HDAC1: variants seen among roughly 807,000 people sequenced by gnomAD.
The protein encoded by HDAC1 is protein deacetylase HDAC1.
In HDAC1, 18 loss-of-function variants were observed where a neutral mutation model predicts 65.5. That is an observed-to-expected ratio of 0.27 (90% confidence interval 0.19 to 0.41). The LOEUF (loss-of-function observed/expected upper bound fraction) is 0.41, where lower values mean the gene tolerates loss of function less well. Among genes scored for constraint, HDAC1 ranks in the 10% least tolerant of loss-of-function variants. HDAC1 has a pLI of 1.00. For synonymous variants in HDAC1, 211 were observed against 227.9 expected, an observed-to-expected ratio of 0.93 and a Z score of 0.67; for missense variants, 373 against 625.2, an observed-to-expected ratio of 0.60 and a Z score of 4.30.
In HDAC1 at chr1:32,322,007, G is replaced by A. The variant is rs144065059; in HGVS notation, c.281-2472G>A. 7.2e-5 allele frequency among the ~76,000 whole-genome samples: 11 copies of A among 152,234 alleles called. No individual in the cohort carries two copies. The East Asian group carries it at 7.7e-4, about 11-fold the overall frequency. Reference sequence around the variant, plus strand: ...AGCCATGCTTCTTCCTCAGAGCACCGGATCTTGGCACCCTCCAAGTTTAGT... The same window carrying A: ...AGCCATGCTTCTTCCTCAGAGCACCAGATCTTGGCACCCTCCAAGTTTAGT... On this transcript the variant is annotated intron_variant, in intron 3 of 13. Transcript: ENST00000373548.
In HDAC1 at chr1:32,329,254, C is replaced by T. The variant is rs1447433217; in HGVS notation, c.729+94C>T. 5.0e-6 allele frequency: 4 copies of T among 805,430 alleles called. No individual in the cohort carries two copies. The highest frequency in any genetic ancestry group is 2.4e-4 in the Middle Eastern group (1 of 4,164). 49.9% of individuals were successfully genotyped at this position (805,430 alleles called of 1,614,324 possible). ...CCCCCACCATACCTCAGGAATCTCT[C>T]CTTACTAAAGCTGGTGGGGAGATAG... is the stretch of plus-strand genomic sequence containing the variant. On this transcript the variant is annotated intron_variant, in intron 7 of 13. Transcript: ENST00000373548. The surrounding 1 kb of genome is among the most constrained non-coding windows in gnomAD (Gnocchi z 4.1).
chr1:32,316,070 C>G (rs1337488167), intron 2 of HDAC1, among the ~76,000 whole-genome samples: 2 of 151,950 alleles, frequency 1.3e-5, no homozygotes, highest in African/African-American at 4.8e-5. Context: ...ATCACGAGGT[C>G]AGGAGATCAA....
At chr1:32,304,544 A>G (rs1489565744) in intron 2 of HDAC1, among the ~76,000 whole-genome samples, 1 of 151,974 alleles carries the variant, frequency 6.6e-6, no homozygotes, top group East Asian at 1.9e-4. Context: ...GACTACAGGC[A>G]GGCACCACCA....
rs758469745 is a variant in HDAC1, at chr1:32,330,935, T to C, written c.979+27T>C. 7 of 1,612,930 alleles carry C rather than the reference T, an allele frequency of 4.3e-6. No individual in the cohort carries two copies. In the South Asian group the frequency reaches 7.7e-5, roughly 18 times the overall value. ...TAATAGCTGCAGGGCCAGGTTCGGC[T>C]GGGCTGGGTGGGAGCTGGAGCTCAT... On this transcript the variant is annotated intron_variant, in intron 9 of 13. Coordinates refer to ENST00000373548, the MANE Select transcript of HDAC1 (RefSeq NM_004964.3). This position sits in a 1 kb window ranked among gnomAD's most constrained non-coding sequence, Gnocchi z 4.2.
chr1:32,294,963 TTTG>T (rs1557597878), intron 1 of HDAC1, among the ~76,000 whole-genome samples: 3 of 152,022 alleles, frequency 2.0e-5, no homozygotes, highest in South Asian at 2.1e-4. Flanking sequence ...CACTGTTTTT[TTTG>T]TTGTTGTTGT....
chr1:32,303,407 G>A (rs1640874571), intron 2 of HDAC1, among the ~76,000 whole-genome samples: 1 of 152,096 alleles, frequency 6.6e-6, no homozygotes, highest in Admixed American at 6.6e-5. Flanking sequence ...ACAGTGAGCC[G>A]TGATTGCACC....
At position 32,330,616 on chromosome 1, in the gene HDAC1, G is replaced by A. The variant is rs751065178; in HGVS notation, c.768G>A (p.Ala256=). 2.8e-5 allele frequency: 45 copies of A among 1,613,770 alleles called. No homozygotes were observed. The highest frequency in any genetic ancestry group is 3.3e-5 in the Non-Finnish European group (39 of 1,179,792). ...TAATGGAGATGTTCCAGCCTAGTGCGGTGGTCTTACAGTGTGGCTCAGACT... is the reference window on the plus strand; with the variant it reads ...TAATGGAGATGTTCCAGCCTAGTGCAGTGGTCTTACAGTGTGGCTCAGACT... ...SKVMEMFQPS[A]VVLQCGSDSL... The change falls in exon 8 of 14, where the codon GCG becomes GCA. Residue 256 remains alanine, a synonymous_variant. Coordinates refer to ENST00000373548, the MANE Select transcript of HDAC1 (RefSeq NM_004964.3). This position sits in a 1 kb window ranked among gnomAD's most constrained non-coding sequence, Gnocchi z 4.2.
rs766740964 is a variant in HDAC1, at chr1:32,332,163, C to T, written c.1293C>T (p.Arg431=). The T allele has an allele frequency of 1.2e-6, 2 of 1,613,416 alleles. No homozygotes were observed. Among genetic ancestry groups the T allele is most frequent in the African/African-American group, 2.7e-5 (2 of 74,874 alleles). The change falls in exon 12 of 14, where the codon CGC becomes CGT. Residue 431 remains arginine (R), a synonymous_variant. Coordinates refer to ENST00000373548, the MANE Select transcript of HDAC1 (RefSeq NM_004964.3). ...CTGAAGAGGAGGGAGAGGGGGGCCG[C>T]AAGAACTCTTCCAACTTCAAAAAAG... The part of the protein sequence containing the change: ...SDSEEEGEGG[R]KNSSNFKKAK...
Position 32,294,416 on chromosome 1 carries a change from G to A in HDAC1, c.49+2198G>A, listed in dbSNP as rs145485889. 5.1e-3 allele frequency among the ~76,000 whole-genome samples: 779 copies of A among 152,140 alleles called. 11 individuals are homozygous for A. The highest frequency in any genetic ancestry group is 0.018 in the African/African-American group (750 of 41,520). On this transcript the variant is annotated intron_variant, in intron 1 of 13. Coordinates refer to ENST00000373548, the MANE Select transcript of HDAC1 (RefSeq NM_004964.3). ...CTGCCTCAGCCTCCCAAAGTGCTGGGATTATAGGCATGAGCCACACTTCCT... is the reference window on the plus strand; with the variant it reads ...CTGCCTCAGCCTCCCAAAGTGCTGGAATTATAGGCATGAGCCACACTTCCT...
At chr1:32,328,628 A>G (rs1641250907) in intron 6 of HDAC1, among the ~76,000 whole-genome samples, 1 of 152,184 alleles carries the variant, frequency 6.6e-6, no homozygotes, top group South Asian at 2.1e-4. Context: ...GTTACTGGGA[A>G]GGACTTTCTT....
At position 32,327,702 on chromosome 1, in the gene HDAC1, C is replaced by T; in HGVS notation, c.636+25C>T. 9 of 1,611,644 alleles carry T rather than the reference C, an allele frequency of 5.6e-6. No individual in the cohort carries two copies. Among genetic ancestry groups the T allele is most frequent in the Non-Finnish European group, 7.6e-6 (9 of 1,177,812 alleles). ...GGTGAGAACGCCCTTTAGGAGCCAACCGGCTTACCCTCAGCTGGCAGCTCT... is the reference window on the plus strand; with the variant it reads ...GGTGAGAACGCCCTTTAGGAGCCAATCGGCTTACCCTCAGCTGGCAGCTCT... On this transcript the variant is annotated intron_variant, in intron 6 of 13. Coordinates refer to ENST00000373548, the MANE Select transcript of HDAC1 (RefSeq NM_004964.3). This position sits in a 1 kb window ranked among gnomAD's most constrained non-coding sequence, Gnocchi z 6.0.
chr1:32,327,185 G>A lies in HDAC1; in HGVS notation c.494+108G>A. 1 of 1,099,146 alleles carries A rather than the reference G, an allele frequency of 9.1e-7. No individual in the cohort carries two copies. Among genetic ancestry groups the A allele is most frequent in the Non-Finnish European group, 1.3e-6 (1 of 746,498 alleles). The allele number at this position is 1,099,146 out of a possible 1,614,324, so 68.1% of individuals were successfully genotyped here. ...GTTTGCTTTTCCTACCGATGTGCTGGCTAGGATGTGCTCGGTGAGTGTCTC... is the reference window on the plus strand; with the variant it reads ...GTTTGCTTTTCCTACCGATGTGCTGACTAGGATGTGCTCGGTGAGTGTCTC... On this transcript the variant is annotated intron_variant, in intron 5 of 13. Coordinates refer to ENST00000373548, the MANE Select transcript of HDAC1 (RefSeq NM_004964.3). The surrounding 1 kb of genome is among the most constrained non-coding windows in gnomAD (Gnocchi z 6.0).
chr1:32,306,251 C>T (rs1412118339), intron 2 of HDAC1, among the ~76,000 whole-genome samples: 1 of 147,384 alleles, frequency 6.8e-6, no homozygotes, highest in East Asian at 2.0e-4. Context: ...AGTGCAATGG[C>T]GCGATCTTGG....
At chr1:32,316,216 G>A (rs771224332) in intron 2 of HDAC1, among the ~76,000 whole-genome samples, 35 of 151,230 alleles carry the variant, frequency 2.3e-4, no homozygotes, top group Admixed American at 5.3e-4. Context: ...GCCGGGAGGC[G>A]GAGCTTGCAG....
chr1:32,325,759 C>A (rs1641207875), intron 4 of HDAC1, among the ~76,000 whole-genome samples: 1 of 152,186 alleles, frequency 6.6e-6, no homozygotes, highest in South Asian at 2.1e-4. Context: ...GACACGGTGG[C>A]ACATGCCTGT....
chr1:32,332,256 CAGCTGGGACTTGGGTCTCG>C lies in HDAC1; in HGVS notation c.1372+18_1372+36del, dbSNP rs1474047072. 2 of 1,604,688 alleles carry C rather than the reference CAGCTGGGACTTGGGTCTCG, an allele frequency of 1.2e-6. No homozygotes were observed. The highest frequency in any genetic ancestry group is 1.3e-5 in the African/African-American group (1 of 74,366). On this transcript the variant is annotated intron_variant, in intron 12 of 13. Coordinates refer to ENST00000373548, the MANE Select transcript of HDAC1 (RefSeq NM_004964.3). ...AGGAGAAGAAAGGTGGGTTTGGGTT[CAGCTGGGACTTGGGTCTCG>C]AGCCTGAGAGGATGAATCTATGTAG...
At chr1:32,305,681 GCTCA>G (rs1041909385) in intron 2 of HDAC1, among the ~76,000 whole-genome samples, 34 of 150,502 alleles carry the variant, frequency 2.3e-4, no homozygotes, top group African/African-American at 8.3e-4. Context: ...TGCGATCTCG[GCTCA>G]CTGCAACCTC....
At chr1:32,332,036 G>T in intron 11 of HDAC1, 54 bp from the exon 12 acceptor site, 1 of 1,502,424 alleles carries the variant, frequency 6.7e-7, no homozygotes, top group South Asian at 1.3e-5. Flanking sequence ...CATAGATGCT[G>T]AGCTAAATCA....
intron 1 of HDAC1, among the ~76,000 whole-genome samples, chr1:32,294,756 C>T (rs565836229): frequency 1.1e-3 from 163 of 151,686 alleles, no homozygotes; most frequent in African/African-American, 3.6e-3. Context: ...CCTCATGATC[C>T]GCCCGCCTCG....
Sources: allele counts gnomAD v4.1 joint callset (sites outside exome capture counted in the v4.1 genomes callset), GRCh38; gene constraint gnomAD v4.1.1; non-coding constraint Gnocchi (gnomAD v3.1); transcripts MANE v1.5; gene names NCBI Gene and HGNC (gene_info 2026-07-23, HGNC 2026-07-21).